WDFY3: variants seen among roughly 807,000 people sequenced by gnomAD.
The protein encoded by WDFY3 is WD repeat and FYVE domain-containing protein 3.
In WDFY3, 66 loss-of-function variants were observed where a neutral mutation model predicts 409.6. The observed-to-expected ratio is 0.16, with a 90% CI of 0.13 to 0.20. WDFY3 has a LOEUF of 0.20. WDFY3 is among the 10% of genes least tolerant of loss of function. WDFY3 has a pLI of 1.00. For missense variants in WDFY3, 3,031 were observed against 4,298.1 expected, an observed-to-expected ratio of 0.71 and a Z score of 8.24; for synonymous variants, 1,521 against 1,537.1, an observed-to-expected ratio of 0.99 and a Z score of 0.25.
chr4:84,940,348 A>G (rs754328196), intron 1 of WDFY3, among the ~76,000 whole-genome samples: 5 of 152,150 alleles, frequency 3.3e-5, no homozygotes, highest in Non-Finnish European at 5.9e-5. Flanking sequence ...ATGGGGGTAC[A>G]ATACTAATTT....
chr4:84,964,197 G>A (rs1775308296), intron 1 of WDFY3, among the ~76,000 whole-genome samples: 2 of 152,206 alleles, frequency 1.3e-5, no homozygotes, highest in South Asian at 4.1e-4. Context: ...GCAGGGCATG[G>A]TGGCTCACAT....
intron 2 of WDFY3, among the ~76,000 whole-genome samples, chr4:84,916,003 T>TA (rs1333384205): frequency 6.6e-6 from 1 of 152,192 alleles, no homozygotes; most frequent in African/African-American, 2.4e-5. Flanking sequence ...TTTATGTTTC[T>TA]AATCCACCGA....
chr4:84,672,793 A>T lies in WDFY3; in HGVS notation c.*75T>A. 1 of 1,578,114 alleles carries T rather than the reference A, an allele frequency of 6.3e-7. No individual in the cohort carries two copies. Among genetic ancestry groups the T allele is most frequent in the South Asian group, 1.2e-5 (1 of 85,704 alleles). On this transcript the variant is annotated 3_prime_UTR_variant, in exon 68 of 68. Coordinates refer to ENST00000295888, the MANE Select transcript of WDFY3 (RefSeq NM_014991.6). ...AGATGTGTAAACGGAGACTGTTTTC[A>T]ATGCCTTCCAAGCTGGGACAGGAGA...
At chr4:84,864,904 T>C (rs1378534311) in intron 3 of WDFY3, among the ~76,000 whole-genome samples, 1 of 152,214 alleles carries the variant, frequency 6.6e-6, no homozygotes, top group African/African-American at 2.4e-5. Flanking sequence ...TTTTTTTCTT[T>C]TGAAACTGGT....
chr4:84,945,573 G>A (rs1772713934), intron 1 of WDFY3, among the ~76,000 whole-genome samples: 1 of 152,160 alleles, frequency 6.6e-6, no homozygotes, highest in Non-Finnish European at 1.5e-5. Flanking sequence ...CCTCACAGAG[G>A]AGTAATGGCA....
Position 84,787,548 on chromosome 4 carries a change from T to G in WDFY3, c.3835A>C (p.Asn1279His), listed in dbSNP as rs1431199038. ...HFLEEVLPSS[N>H]VTTIYELGPN... Reference sequence around the variant, plus strand: ...CCAAGTTCATAAATGGTAGTAACATTTGAAGAAGGTAAAACTTCTTCTAGA... The same window carrying G: ...CCAAGTTCATAAATGGTAGTAACATGTGAAGAAGGTAAAACTTCTTCTAGA... Residue 1279 changes from asparagine to histidine, a missense_variant, in exon 23 of 68, where the codon AAT becomes CAT. Coordinates refer to ENST00000295888, the MANE Select transcript of WDFY3 (RefSeq NM_014991.6). 1.2e-6 allele frequency: 2 copies of G among 1,614,180 alleles called. No individual in the cohort carries two copies. Among genetic ancestry groups the G allele is most frequent in the African/African-American group, 2.7e-5 (2 of 75,046 alleles).
At chr4:84,912,801 A>T (rs1767968004) in intron 2 of WDFY3, among the ~76,000 whole-genome samples, 1 of 152,238 alleles carries the variant, frequency 6.6e-6, no homozygotes, top group Admixed American at 6.5e-5. Flanking sequence ...AAAAGAAGTG[A>T]GCACCAGGAT....
chr4:84,800,164 A>G (rs1750259712), intron 17 of WDFY3, among the ~76,000 whole-genome samples: 1 of 152,138 alleles, frequency 6.6e-6, no homozygotes, highest in Non-Finnish European at 1.5e-5. Context: ...ACAGCCTGAT[A>G]CAACACCATT....
intron 36 of WDFY3, among the ~76,000 whole-genome samples, chr4:84,744,031 C>T (rs1738903432): frequency 6.7e-6 from 1 of 149,188 alleles, no homozygotes; most frequent in African/African-American, 2.4e-5. Flanking sequence ...TCTTTTGAAT[C>T]CATTATTTAA....
At chr4:84,936,404 C>T (rs1771416080) in intron 1 of WDFY3, among the ~76,000 whole-genome samples, 1 of 151,960 alleles carries the variant, frequency 6.6e-6, no homozygotes, top group Non-Finnish European at 1.5e-5. Context: ...ACCTGTAGTC[C>T]TAGGTACTTA....
chr4:84,850,967 T>TTTTTTTTTTTTTTTTTTTTTTTTTC (rs1758918548), intron 4 of WDFY3, among the ~76,000 whole-genome samples: 1 of 121,222 alleles, frequency 8.2e-6, no homozygotes, highest in African/African-American at 3.0e-5. Context: ...TTTTTTTTTT[T>TTTTTTTTTTTTTTTTTTTTTTTTTC]TTGAGAACTG....
chr4:84,775,863 A>G (rs1256396721), intron 27 of WDFY3, among the ~76,000 whole-genome samples: 1 of 151,974 alleles, frequency 6.6e-6, no homozygotes, highest in Non-Finnish European at 1.5e-5. Context: ...ACTCTATTCC[A>G]TGCAAAAATG....
chr4:84,855,531 T>C (rs1335570310), intron 4 of WDFY3, among the ~76,000 whole-genome samples: 1 of 152,210 alleles, frequency 6.6e-6, no homozygotes, highest in Non-Finnish European at 1.5e-5. Context: ...AAAGGCTCAA[T>C]ATAAACTTGT....
intron 2 of WDFY3, among the ~76,000 whole-genome samples, chr4:84,913,209 T>C (rs1487305877): frequency 1.3e-5 from 2 of 152,054 alleles, no homozygotes; most frequent in African/African-American, 2.4e-5. Context: ...CTCACTACTC[T>C]ATGGAAAGGA....
At chr4:84,910,172 C>T (rs1767572369) in intron 2 of WDFY3, among the ~76,000 whole-genome samples, 1 of 152,086 alleles carries the variant, frequency 6.6e-6, no homozygotes, top group African/African-American at 2.4e-5. Flanking sequence ...ACATTGTATT[C>T]GGTATTATAA....
At position 84,841,214 on chromosome 4, in the gene WDFY3, T is replaced by C. The variant is rs1181200360; in HGVS notation, c.354A>G (p.Glu118=). Residue 118 remains glutamate, a synonymous_variant, in exon 6 of 68, where the codon GAA becomes GAG. Transcript: ENST00000295888. ...IVQFLEINQS[E]EASRGWMLLT... is the part of the protein sequence containing the mutation. Reference sequence around the variant, plus strand: ...GAAGCATCCAGCCTCTACTGGCTTCTTCACTCTGATTAATCTCTAGGAACT... The same window carrying C: ...GAAGCATCCAGCCTCTACTGGCTTCCTCACTCTGATTAATCTCTAGGAACT... 3 of 1,613,100 alleles carry C rather than the reference T, an allele frequency of 1.9e-6. No homozygotes were observed. Among genetic ancestry groups the C allele is most frequent in the African/African-American group, 2.7e-5 (2 of 74,846 alleles).
At chr4:84,860,976 C>T (rs1056784637) in intron 3 of WDFY3, among the ~76,000 whole-genome samples, 5 of 152,042 alleles carry the variant, frequency 3.3e-5, no homozygotes, top group African/African-American at 1.2e-4. Context: ...TTTTGGAGGC[C>T]GAGGCCGGTG....
intron 25 of WDFY3, among the ~76,000 whole-genome samples, chr4:84,780,625 G>A (rs1420919973): frequency 2.0e-5 from 3 of 151,936 alleles, no homozygotes; most frequent in Non-Finnish European, 2.9e-5. Flanking sequence ...TTAGCCGGGC[G>A]TGGTTGCACG....
At chr4:84,770,870 A>G (rs928023189) in intron 30 of WDFY3, among the ~76,000 whole-genome samples, 6 of 151,802 alleles carry the variant, frequency 4.0e-5, no homozygotes, top group African/African-American at 1.5e-4. Context: ...ATTATACTCA[A>G]TAAAGTCTTC....
Sources: gnomAD v4.1 joint callset for allele counts (sites outside exome capture counted in the v4.1 genomes callset) on GRCh38, gnomAD v4.1.1 for gene constraint, MANE v1.5 for transcripts, NCBI Gene and HGNC (gene_info 2026-07-23, HGNC 2026-07-21) for gene names.